ARAP2: variants seen among roughly 807,000 people sequenced by gnomAD.
ARAP2 encodes arf-GAP with Rho-GAP domain, ANK repeat and PH domain-containing protein 2.
ARAP2 carries 148 observed loss-of-function variants against 194.5 expected under a neutral mutation model. That is an observed-to-expected ratio of 0.76 (90% CI 0.67 to 0.87). ARAP2 has a LOEUF of 0.87. ARAP2 is among the 40% of genes least tolerant of loss of function. ARAP2 has a pLI of 0.00. For synonymous variants in ARAP2, 695 were observed against 683.5 expected, an observed-to-expected ratio of 1.02 and a Z score of -0.26; for missense variants, 2,128 against 1,989.7, an observed-to-expected ratio of 1.07 and a Z score of -1.32.
In ARAP2 at chr4:36,014,479, A is replaced by G. The variant is rs867967487; in HGVS notation, n.1056+907T>C. On this transcript the variant is annotated intron_variant and non_coding_transcript_variant, in intron 8 of 12. Coordinates refer to the ARAP2 transcript ENST00000503225. ...AAAAGAAATTGGGGTAATGAAAAGA[A>G]GAGCCACAGTTGTCCTTAATTACAA... 1.1e-4 allele frequency among the ~76,000 whole-genome samples: 17 copies of G among 152,284 alleles called. No homozygotes were observed. In the Middle Eastern group the frequency reaches 0.01, roughly 91 times the overall value.
chr4:36,073,236 G>C (rs1727449880), intron 32 of ARAP2, among the ~76,000 whole-genome samples: 1 of 152,034 alleles, frequency 6.6e-6, no homozygotes, highest in Non-Finnish European at 1.5e-5. Context: ...TGATTCTCAG[G>C]GGTCATCTTG....
chr4:36,225,597 G>A (rs1219833189), intron 2 of ARAP2, among the ~76,000 whole-genome samples: 2 of 152,030 alleles, frequency 1.3e-5, no homozygotes, highest in Non-Finnish European at 2.9e-5. Flanking sequence ...AAAAGGAGCA[G>A]GCAGGAATTC....
chr4:36,026,463 G>A (rs1717922250), intron 5 of ARAP2, among the ~76,000 whole-genome samples: 1 of 152,148 alleles, frequency 6.6e-6, no homozygotes, highest in South Asian at 2.1e-4. Context: ...CACAGTGGGT[G>A]CTCAATAAAC....
intron 25 of ARAP2, 44 bp from the exon 26 acceptor site, chr4:36,114,331 G>A: frequency 8.2e-7 from 1 of 1,220,580 alleles, no homozygotes; most frequent in Non-Finnish European, 1.2e-6. Context: ...GTTAGACACA[G>A]AAGTAGCCTT....
intron 31 of ARAP2, among the ~76,000 whole-genome samples, chr4:36,077,539 C>T (rs1053655510): frequency 2.0e-5 from 3 of 152,050 alleles, no homozygotes; most frequent in Admixed American, 6.6e-5. Context: ...GTAGTCACTT[C>T]GCAATAATTC....
At chr4:36,027,977 T>C (rs900743162) in intron 5 of ARAP2, among the ~76,000 whole-genome samples, 7 of 152,102 alleles carry the variant, frequency 4.6e-5, no homozygotes, top group African/African-American at 1.7e-4. Context: ...AAATAAATAT[T>C]TACCCATTAA....
intron 1 of ARAP2, among the ~76,000 whole-genome samples, chr4:36,239,381 A>ATGAATGGG (rs1466434160): frequency 1.5e-5 from 2 of 137,796 alleles, no homozygotes; most frequent in African/African-American, 6.6e-5. Context: ...CCAGATATCT[A>ATGAATGGG]TGAATGGATG....
rs74675710 is a variant in ARAP2, at chr4:36,048,620, T to A, written n.370-1771A>T. On this transcript the variant is annotated intron_variant and non_coding_transcript_variant, in intron 3 of 12. Coordinates refer to the ARAP2 transcript ENST00000503225. ...ATCCAAAACACCACTGATGGGAACC[T>A]AGGTTAATTCCATGTCTTTGCTATT... Among the ~76,000 whole-genome samples the A allele has an allele frequency of 4.0e-3, 603 of 152,294 alleles. 4 individuals are homozygous for A. The highest frequency in any genetic ancestry group is 0.014 in the African/African-American group (584 of 41,582).
chr4:36,101,371 C>A (rs1327648235), intron 27 of ARAP2, among the ~76,000 whole-genome samples: 1 of 139,952 alleles, frequency 7.1e-6, no homozygotes, highest in Non-Finnish European at 1.5e-5. Context: ...ACTATTGGAA[C>A]AGGATTTAAT....
At chr4:36,007,582 T>C (rs147544422) in intron 9 of ARAP2, among the ~76,000 whole-genome samples, 328 of 152,264 alleles carry the variant, frequency 2.2e-3, no homozygotes, top group African/African-American at 6.3e-3. Flanking sequence ...CCCCGCGAAG[T>C]ATGAGAGAAT....
chr4:36,080,616 A>G (rs543335780), intron 30 of ARAP2, among the ~76,000 whole-genome samples: 1 of 152,304 alleles, frequency 6.6e-6, no homozygotes, highest in Non-Finnish European at 1.5e-5. Context: ...TATTCCACTA[A>G]AATTCTGAGC....
chr4:36,182,508 T>TAAAC (rs1206128260), intron 8 of ARAP2, among the ~76,000 whole-genome samples: 1 of 150,138 alleles, frequency 6.7e-6, no homozygotes, highest in Non-Finnish European at 1.5e-5. Flanking sequence ...AATAAATAAA[T>TAAAC]AAATAAATAA....
Position 36,228,915 on chromosome 4 carries a change from A to G in ARAP2, c.572T>C (p.Val191Ala). Reference sequence around the variant, plus strand: ...AACTTTTTCTGTTTGTTGTTCTTCAACTGTGTGATCCACAGTCTTCTTTGT... The same window carrying G: ...AACTTTTTCTGTTTGTTGTTCTTCAGCTGTGTGATCCACAGTCTTCTTTGT... ...LITKKTVDHT[V>A]EEQQTEKVKL... The change falls in exon 2 of 33, where the codon GTT becomes GCT. Residue 191 changes from valine (V) to alanine (A), a missense_variant. Val to Ala is a moderately conservative substitution (Grantham distance 64). Transcript: ENST00000303965. 1 of 1,614,044 alleles carries G rather than the reference A, an allele frequency of 6.2e-7. No homozygotes were observed. Among genetic ancestry groups the G allele is most frequent in the Non-Finnish European group, 8.5e-7 (1 of 1,179,960 alleles).
At position 36,217,966 on chromosome 4, in the gene ARAP2, G is replaced by A. The variant is rs114277510; in HGVS notation, c.906-3486C>T. Among the ~76,000 whole-genome samples, 475 of 151,708 alleles carry A rather than the reference G, an allele frequency of 3.1e-3. 2 individuals are homozygous for A. Among genetic ancestry groups the A allele is most frequent in the Middle Eastern group, 0.014 (4 of 294 alleles). ...AACAGTTACAGGGAAGGGGGTGTGT[G>A]AGATTTAACAAACTGATTCTAAAAT... On this transcript the variant is annotated intron_variant, in intron 2 of 32. Coordinates refer to ENST00000303965, the MANE Select transcript of ARAP2 (RefSeq NM_015230.4).
At chr4:36,027,728 T>C (rs539830888) in intron 5 of ARAP2, among the ~76,000 whole-genome samples, 2 of 152,028 alleles carry the variant, frequency 1.3e-5, no homozygotes, top group African/African-American at 4.8e-5. Flanking sequence ...CACAGAGAGG[T>C]TAAGTGACTT....
intron 5 of ARAP2, among the ~76,000 whole-genome samples, chr4:36,021,829 T>A (rs1716998220): frequency 6.6e-6 from 1 of 152,168 alleles, no homozygotes; most frequent in South Asian, 2.1e-4. Context: ...TGAGTTGATG[T>A]CATAAATATC....
chr4:36,182,364 C>T lies in ARAP2; in HGVS notation c.1679-4359G>A, dbSNP rs114572184. 6.5e-3 allele frequency among the ~76,000 whole-genome samples: 986 copies of T among 152,180 alleles called. 11 individuals carry two copies. Among genetic ancestry groups the T allele is most frequent in the African/African-American group, 0.022 (907 of 41,516 alleles). On this transcript the variant is annotated intron_variant, in intron 8 of 32. Transcript: ENST00000303965. ...AAAATTAGCCGTGCATGTTGGCACACGCCCATAGTCCCAGCTACTTCGGAG... is the reference window on the plus strand; with the variant it reads ...AAAATTAGCCGTGCATGTTGGCACATGCCCATAGTCCCAGCTACTTCGGAG...
At chr4:36,144,589 C>T (rs1222386269) in intron 19 of ARAP2, among the ~76,000 whole-genome samples, 4 of 151,816 alleles carry the variant, frequency 2.6e-5, no homozygotes, top group Non-Finnish European at 4.4e-5. Flanking sequence ...CACAATCTGA[C>T]ATAAATATCT....
At chr4:36,180,027 C>T (rs1738863554) in intron 8 of ARAP2, among the ~76,000 whole-genome samples, 1 of 152,146 alleles carries the variant, frequency 6.6e-6, no homozygotes, top group African/African-American at 2.4e-5. Context: ...AATCCCAGCA[C>T]TCTGGGAGGC....
Sources: allele counts gnomAD v4.1 joint callset (sites outside exome capture counted in the v4.1 genomes callset), GRCh38; gene constraint gnomAD v4.1.1; transcripts MANE v1.5; gene names NCBI Gene and HGNC (gene_info 2026-07-23, HGNC 2026-07-21).